Variants in MACF1 observed in about 807,000 individuals in gnomAD.
MACF1 encodes microtubule-actin cross-linking factor 1.
A neutral mutation model predicts 854.8 loss-of-function variants in MACF1; 193 were observed. The observed-to-expected ratio is 0.23, with a 90% confidence interval of 0.20 to 0.25. The LOEUF (loss-of-function observed/expected upper bound fraction) is 0.25. Ranked by LOEUF, MACF1 falls within the 10% of genes least tolerant of loss-of-function variation. The pLI, the probability that MACF1 is intolerant of heterozygous loss-of-function variation, is 1.00. For synonymous variants in MACF1, 3,185 were observed against 3,226.7 expected, an observed-to-expected ratio of 0.99 and a Z score of 0.44; for missense variants, 7,722 against 8,929.1, an observed-to-expected ratio of 0.86 and a Z score of 5.45.
chr1:39,269,826 A>G (rs1209040013), intron 6 of MACF1: 1 of 917,706 alleles, frequency 1.1e-6, no homozygotes, highest in Non-Finnish European at 1.5e-6. Flanking sequence ...GTGCCTCTCA[A>G]ACTTACCCCC....
chr1:39,389,580 G>A (rs1302598137), intron 58 of MACF1, among the ~76,000 whole-genome samples: 8 of 151,552 alleles, frequency 5.3e-5, no homozygotes, highest in African/African-American at 1.9e-4. Context: ...GGCTGGTCTC[G>A]ATCTCCTGAC....
chr1:39,298,769 A>T lies in MACF1; in HGVS notation c.2481+1024A>T, dbSNP rs181251991. 8.2e-5 allele frequency: 31 copies of T among 378,404 alleles called. No homozygotes were observed. In the East Asian group the frequency reaches 2.1e-3, roughly 25 times the overall value. 23.4% of individuals were successfully genotyped at this position (378,404 alleles called of 1,614,324 possible). On this transcript the variant is annotated intron_variant, in intron 21 of 100. Transcript: ENST00000564288. ...ACCTGACTTTTCAGATGTTGTCTCT[A>T]AAATGTCTCTCTCAGAGGTACTGCA...
intron 15 of MACF1, among the ~76,000 whole-genome samples, chr1:39,288,223 G>A (rs977615179): frequency 2.6e-5 from 4 of 152,292 alleles, no homozygotes; most frequent in African/African-American, 9.6e-5. Context: ...TGGGTGCCGG[G>A]TGCAGTGGCT....
At chr1:39,095,361 G>A (rs1447988269) in intron 2 of MACF1, among the ~76,000 whole-genome samples, 1 of 149,312 alleles carries the variant, frequency 6.7e-6, no homozygotes, top group African/African-American at 2.5e-5. Context: ...AACAGATCGA[G>A]ACCATCCTGG....
At chr1:39,178,134 G>T (rs1371554568) in intron 2 of MACF1, among the ~76,000 whole-genome samples, 1 of 151,364 alleles carries the variant, frequency 6.6e-6, no homozygotes, top group Non-Finnish European at 1.5e-5. Flanking sequence ...AGCCCATAAA[G>T]GTCAGCCAGT....
intron 6 of MACF1, among the ~76,000 whole-genome samples, chr1:39,262,590 A>G (rs539760020): frequency 4.7e-4 from 72 of 152,262 alleles, no homozygotes; most frequent in African/African-American, 1.5e-3. Flanking sequence ...AACAGTGGGC[A>G]GCAGTTACTA....
At position 39,430,830 on chromosome 1, in the gene MACF1, C is replaced by G; in HGVS notation, c.17259C>G (p.Asn5753Lys). Residue 5753 changes from asparagine to lysine, a missense_variant, in exon 66 of 101, where the codon AAC becomes AAG. Physicochemically the swap from Asn to Lys is moderately conservative, Grantham distance 94 (BLOSUM62 0). This residue lies in a region of MACF1 where 2,807 missense variants were observed against 3,235.8 expected (regional missense o/e 0.87). Coordinates refer to ENST00000564288, the MANE Select transcript of MACF1 (RefSeq NM_001394062.1). ...TGGATAAACTTGTGTCCGATGCTAA[C>G]GAGCAGTACAAACTAGTCAGTGACA... is the stretch of plus-strand genomic sequence containing the variant. ...EGLDKLVSDA[N>K]EQYKLVSDTI... 6.2e-7 allele frequency: 1 copy of G among 1,612,726 alleles called. No homozygotes were observed. Among genetic ancestry groups the G allele is most frequent in the Non-Finnish European group, 8.5e-7 (1 of 1,180,016 alleles).
chr1:39,358,024 G>A, intron 45 of MACF1, 131 bp downstream of exon 45: 1 of 946,978 alleles, frequency 1.1e-6, no homozygotes. Context: ...TGGACCATGG[G>A]CAGAAGGTCT....
chr1:39,094,152 A>T lies in MACF1; in HGVS notation c.220+9714A>T, dbSNP rs1641879707. Among the ~76,000 whole-genome samples the T allele has an allele frequency of 2.0e-5, 3 of 151,824 alleles. No individual in the cohort carries two copies. The South Asian group carries it at 6.3e-4, about 32-fold the overall frequency. The stretch of plus-strand genomic sequence containing the variant: ...CCTGTGCTTCTGACTGACTGGCTAT[A>T]ATGGGGTGCTGGCTGGGTGCAGTGA... On this transcript the variant is annotated intron_variant, in intron 2 of 93. Transcript: ENST00000361689.
chr1:39,439,603 C>A, intron 72 of MACF1, 103 bp downstream of exon 72: 1 of 896,254 alleles, frequency 1.1e-6, no homozygotes. Flanking sequence ...AGGCTGAGTA[C>A]CTTAAAGGTT....
intron 87 of MACF1, 122 bp downstream of exon 87, chr1:39,452,934 G>A: frequency 3.4e-6 from 4 of 1,174,672 alleles, no homozygotes; most frequent in Admixed American, 2.3e-5. Context: ...AACAAAACCA[G>A]AGTGGCCCTA....
At chr1:39,260,546 G>GT (rs1645151186) in intron 6 of MACF1, 1 of 151,744 alleles carries the variant, frequency 6.6e-6, no homozygotes, top group South Asian at 2.1e-4. Context: ...TTTATTATTA[G>GT]TAGAGACAGG....
intron 2 of MACF1, among the ~76,000 whole-genome samples, chr1:39,244,527 C>T (rs926971463): frequency 2.6e-5 from 4 of 151,088 alleles, no homozygotes; most frequent in Non-Finnish European, 4.4e-5. Flanking sequence ...ATGATCCACC[C>T]GCCTTGGCCT....
rs534291282 is a variant in MACF1 at position 39,285,099 on chromosome 1, G to A, written c.1148G>A (p.Gly383Asp). Residue 383 changes from glycine (G) to aspartate (D), a missense_variant, in exon 12 of 101, where the codon GGC becomes GAC. Gly to Asp is a moderately conservative substitution (Grantham distance 94). This residue lies in a region of MACF1 where 97 missense variants were observed against 130.4 expected (regional missense o/e 0.74). Coordinates refer to ENST00000564288, the MANE Select transcript of MACF1 (RefSeq NM_001394062.1). ...CTGTTTCAGGTGTGGATTGAATTTGGCCGAATTAAACTGCCTCAAGGTTAT... is the reference window on the plus strand; with the variant it reads ...CTGTTTCAGGTGTGGATTGAATTTGACCGAATTAAACTGCCTCAAGGTTAT... ...YKLLEVWIEF[G>D]RIKLPQGYHP... 9.3e-6 allele frequency: 15 copies of A among 1,614,142 alleles called. No homozygotes were observed. The South Asian group carries it at 1.1e-4, about 12-fold the overall frequency.
chr1:39,115,938 G>C (rs1378789467), intron 2 of MACF1, among the ~76,000 whole-genome samples: 2 of 152,204 alleles, frequency 1.3e-5, no homozygotes, highest in Non-Finnish European at 2.9e-5. Context: ...AAAGGTTACT[G>C]CTACTGGAAC....
chr1:39,281,185 CTTA>C (rs1645536579), intron 6 of MACF1, among the ~76,000 whole-genome samples: 2 of 152,020 alleles, frequency 1.3e-5, no homozygotes, highest in South Asian at 2.1e-4. Flanking sequence ...TAGCTTTTTT[CTTA>C]TTATAAAAAT....
chr1:39,139,049 T>C (rs1643257788), intron 2 of MACF1, among the ~76,000 whole-genome samples: 1 of 152,232 alleles, frequency 6.6e-6, no homozygotes, highest in African/African-American at 2.4e-5. Flanking sequence ...CTGCACAAAC[T>C]ACGTAATTTT....
At chr1:39,131,343 T>TA (rs1231885385) in intron 2 of MACF1, among the ~76,000 whole-genome samples, 2 of 150,180 alleles carry the variant, frequency 1.3e-5, no homozygotes, top group African/African-American at 2.5e-5. Context: ...TTTTATTATT[T>TA]TTTTTTTTTT....
intron 6 of MACF1, among the ~76,000 whole-genome samples, chr1:39,271,932 G>A (rs937706669): frequency 6.6e-6 from 1 of 152,214 alleles, no homozygotes; most frequent in South Asian, 2.1e-4. Flanking sequence ...GATCTGTAGT[G>A]TGACCATATT....
Sources: allele counts gnomAD v4.1 joint callset (sites outside exome capture counted in the v4.1 genomes callset), GRCh38; gene constraint gnomAD v4.1.1; regional missense constraint gnomAD v4.1.1; transcripts MANE v1.5; gene names NCBI Gene and HGNC (gene_info 2026-07-23, HGNC 2026-07-21).